The following GTF2E2 variants were observed in gnomAD, a reference collection of about 807,000 sequenced individuals.
GTF2E2 encodes transcription initiation factor IIE subunit beta.
GTF2E2 carries 21 observed loss-of-function variants against 40.5 expected under a neutral mutation model. That is an observed-to-expected ratio of 0.52 (90% CI 0.37 to 0.75). The LOEUF (loss-of-function observed/expected upper bound fraction) is 0.75, where lower values mean the gene tolerates loss of function less well. Ranked by LOEUF, GTF2E2 falls within the 30% of genes least tolerant of loss-of-function variation. The pLI is 0.00. For missense variants in GTF2E2, 298 were observed against 338.4 expected (o/e 0.88, Z 0.94); for synonymous variants, 117 against 121.6 (o/e 0.96, Z 0.25).
chr8:30,594,788 T>G (rs1191277567), intron 6 of GTF2E2, among the ~76,000 whole-genome samples: 1 of 146,330 alleles, frequency 6.8e-6, no homozygotes, highest in East Asian at 2.0e-4. Flanking sequence ...ACCCAGTAGG[T>G]GGAGGTTGCG....
chr8:30,598,378 G>GTA (rs1829074882), intron 6 of GTF2E2, among the ~76,000 whole-genome samples: 1 of 152,142 alleles, frequency 6.6e-6, no homozygotes, highest in South Asian at 2.1e-4. Context: ...AAGCTGATCT[G>GTA]TATATTACTG....
intron 6 of GTF2E2, among the ~76,000 whole-genome samples, chr8:30,595,572 G>A (rs1007435850): frequency 2.0e-5 from 3 of 152,098 alleles, no homozygotes; most frequent in Non-Finnish European, 4.4e-5. Flanking sequence ...GCTCACACCC[G>A]TAATCCTAAC....
intron 3 of GTF2E2, among the ~76,000 whole-genome samples, chr8:30,624,152 A>G (rs1801196985): frequency 2.0e-5 from 3 of 152,116 alleles, no homozygotes; most frequent in South Asian, 2.1e-4. Flanking sequence ...TTGGTCTAAC[A>G]TTTAAGTCTT....
At chr8:30,639,575 G>A (rs1413734867) in intron 2 of GTF2E2, among the ~76,000 whole-genome samples, 1 of 152,070 alleles carries the variant, frequency 6.6e-6, no homozygotes, top group Non-Finnish European at 1.5e-5. Context: ...TCGTGGCTCA[G>A]AGCAATCATT....
At chr8:30,642,665 T>C (rs1801889508) in intron 2 of GTF2E2, among the ~76,000 whole-genome samples, 1 of 152,190 alleles carries the variant, frequency 6.6e-6, no homozygotes, top group Admixed American at 6.5e-5. Context: ...TAAGAGTATA[T>C]GTTTTCCCTC....
At chr8:30,585,432 A>G (rs1395700950) in intron 6 of GTF2E2, among the ~76,000 whole-genome samples, 2 of 152,186 alleles carry the variant, frequency 1.3e-5, no homozygotes, top group Non-Finnish European at 2.9e-5. Context: ...CATTTATGTA[A>G]AGCAGAAGAA....
chr8:30,656,539 C>G (rs1247243951), intron 1 of GTF2E2, among the ~76,000 whole-genome samples: 1 of 152,140 alleles, frequency 6.6e-6, no homozygotes, highest in East Asian at 1.9e-4. Flanking sequence ...CCGGGCGCAG[C>G]GGCTCACGCC....
intron 3 of GTF2E2, among the ~76,000 whole-genome samples, chr8:30,615,534 C>A (rs556158100): frequency 1.3e-5 from 2 of 152,168 alleles, no homozygotes; most frequent in African/African-American, 4.8e-5. Flanking sequence ...ATCCATTCCA[C>A]TACACAGATG....
intron 6 of GTF2E2, among the ~76,000 whole-genome samples, chr8:30,599,235 C>T (rs1263845024): frequency 2.6e-5 from 4 of 151,944 alleles, no homozygotes; most frequent in African/African-American, 4.8e-5. Flanking sequence ...AATGTACACA[C>T]AGCACTATCT....
At chr8:30,604,601 T>A (rs77992768) in intron 6 of GTF2E2, among the ~76,000 whole-genome samples, 3,561 of 152,286 alleles carry the variant, frequency 0.023, 54 homozygotes, top group Middle Eastern at 0.061. Flanking sequence ...AGAATAAACA[T>A]CAAATTATTT....
chr8:30,620,881 A>G (rs1801076719), intron 3 of GTF2E2, among the ~76,000 whole-genome samples: 1 of 151,906 alleles, frequency 6.6e-6, no homozygotes, highest in South Asian at 2.1e-4. Context: ...ATGAGCCAAG[A>G]CTGCGCTACT....
At chr8:30,615,974 T>C (rs1179619994) in intron 3 of GTF2E2, among the ~76,000 whole-genome samples, 2 of 152,220 alleles carry the variant, frequency 1.3e-5, no homozygotes, top group South Asian at 2.1e-4. Context: ...ATCCAGACGA[T>C]GGAATACTAT....
At chr8:30,580,607 T>C (rs1360507708) in intron 6 of GTF2E2, among the ~76,000 whole-genome samples, 1 of 152,124 alleles carries the variant, frequency 6.6e-6, no homozygotes, top group Non-Finnish European at 1.5e-5. Context: ...GCCCCGACAG[T>C]GGGGCTGTTT....
chr8:30,620,920 T>C (rs1486997962), intron 3 of GTF2E2, among the ~76,000 whole-genome samples: 2 of 150,458 alleles, frequency 1.3e-5, no homozygotes, highest in Admixed American at 6.6e-5. Flanking sequence ...CAGAGTGATA[T>C]TACATCTTGG....
intron 5 of GTF2E2, 60 bp downstream of exon 5, chr8:30,612,239 A>G: frequency 9.3e-7 from 1 of 1,070,890 alleles, no homozygotes; most frequent in South Asian, 1.5e-5. Context: ...ATATTTTTAA[A>G]ACCAAGAAGT....
At chr8:30,627,527 A>T (rs1801323456) in intron 3 of GTF2E2, among the ~76,000 whole-genome samples, 1 of 151,910 alleles carries the variant, frequency 6.6e-6, no homozygotes, top group Non-Finnish European at 1.5e-5. Context: ...TCGGAAATGA[A>T]ATTTAAGATG....
At chr8:30,585,772 T>TAAAAAAA (rs146018850) in intron 6 of GTF2E2, among the ~76,000 whole-genome samples, 2 of 67,620 alleles carry the variant, frequency 3.0e-5, no homozygotes, top group East Asian at 4.3e-4. Context: ...CTTTGCCCTT[T>TAAAAAAA]AAAAAAAAAA....
chr8:30,616,504 G>GAGA (rs139283572), intron 3 of GTF2E2, among the ~76,000 whole-genome samples: 122,876 of 151,614 alleles, frequency 0.81, 50,485 homozygotes, highest in African/African-American at 0.93. Context: ...GTTGAGGGGA[G>GAGA]AGGATGAACA....
At chr8:30,635,008 T>C in intron 3 of GTF2E2, 24 bp downstream of exon 3, 1 of 1,315,064 alleles carries the variant, frequency 7.6e-7, no homozygotes, top group South Asian at 1.2e-5. Context: ...AATAGGACTT[T>C]TGCTATCTGA....
Sources: allele counts gnomAD v4.1 joint callset (sites outside exome capture counted in the v4.1 genomes callset), GRCh38; gene constraint gnomAD v4.1.1; transcripts MANE v1.5; gene names NCBI Gene and HGNC (gene_info 2026-07-23, HGNC 2026-07-21).